BRINP3: variants seen among roughly 807,000 people sequenced by gnomAD.
BRINP3 encodes BMP/retinoic acid inducible neural specific 3.
In BRINP3, 19 loss-of-function variants were observed where a neutral mutation model predicts 71.0. The observed-to-expected ratio is 0.27, with a 90% confidence interval of 0.19 to 0.39. BRINP3 has a LOEUF of 0.39. Ranked by LOEUF, BRINP3 falls within the 10% of genes least tolerant of loss-of-function variation. The probability of loss-of-function intolerance (pLI) is 1.00; values close to 1 mark genes in which losing one functional copy is unlikely to be tolerated. For synonymous variants in BRINP3, 380 were observed against 337.7 expected, an observed-to-expected ratio of 1.13 and a Z score of -1.37; for missense variants, 959 against 940.8, an observed-to-expected ratio of 1.02 and a Z score of -0.25.
chr1:190,296,881 G>T (rs1664292248), intron 2 of BRINP3, among the ~76,000 whole-genome samples: 1 of 151,832 alleles, frequency 6.6e-6, no homozygotes, highest in African/African-American at 2.4e-5. Context: ...GAAATCATAA[G>T]GCACTGATGA....
At chr1:190,297,725 C>T (rs1664354755) in intron 2 of BRINP3, among the ~76,000 whole-genome samples, 1 of 151,736 alleles carries the variant, frequency 6.6e-6, no homozygotes, top group African/African-American at 2.4e-5. Context: ...CTAGAATAAA[C>T]TCCACCTGGT....
At chr1:190,234,510 A>G (rs1383310490) in intron 4 of BRINP3, 33 bp from the exon 5 acceptor site, 1 of 1,510,884 alleles carries the variant, frequency 6.6e-7, no homozygotes. Context: ...TATTATCTAA[A>G]TCAGACTTTA....
intron 2 of BRINP3, among the ~76,000 whole-genome samples, chr1:190,408,713 A>G (rs1672465494): frequency 6.6e-6 from 1 of 152,336 alleles, no homozygotes; most frequent in Non-Finnish European, 1.5e-5. Flanking sequence ...TCAACTGAGA[A>G]CAATTTTGCC....
chr1:190,453,203 A>AT (rs1190785225), intron 2 of BRINP3, among the ~76,000 whole-genome samples: 616 of 40,830 alleles, frequency 0.015, 177 homozygotes, highest in African/African-American at 0.048. Flanking sequence ...AAACTTTAGT[A>AT]TTTTTTTTTT....
At chr1:190,300,567 C>A (rs921818777) in intron 2 of BRINP3, among the ~76,000 whole-genome samples, 1 of 152,142 alleles carries the variant, frequency 6.6e-6, no homozygotes, top group Non-Finnish European at 1.5e-5. Flanking sequence ...TCCCAGCACG[C>A]AGCTGGAGAT....
intron 2 of BRINP3, among the ~76,000 whole-genome samples, chr1:190,412,520 T>C (rs1270530916): frequency 6.9e-6 from 1 of 144,732 alleles, no homozygotes; most frequent in African/African-American, 2.5e-5. Flanking sequence ...TGGAGTGCAG[T>C]GGTGGGATCT....
chr1:190,407,302 G>A (rs1246399220), intron 2 of BRINP3, among the ~76,000 whole-genome samples: 2 of 152,072 alleles, frequency 1.3e-5, no homozygotes, highest in Non-Finnish European at 2.9e-5. Context: ...TATGCATCCT[G>A]GATTATTTCT....
chr1:190,400,123 A>G, intron 2 of BRINP3, among the ~76,000 whole-genome samples: 1 of 152,106 alleles, frequency 6.6e-6, no homozygotes, highest in East Asian at 1.9e-4. Context: ...TGAAGATGTG[A>G]CTGAAAACAC....
chr1:190,173,399 G>A (rs2102505257), intron 6 of BRINP3, among the ~76,000 whole-genome samples: 1 of 152,280 alleles, frequency 6.6e-6, no homozygotes, highest in African/African-American at 2.4e-5. Flanking sequence ...GTCCTTTGGA[G>A]TAAAATGCAG....
At chr1:190,336,877 T>TCCTTCCTTCCTTCCTC (rs1667324125) in intron 2 of BRINP3, among the ~76,000 whole-genome samples, 1 of 140,658 alleles carries the variant, frequency 7.1e-6, no homozygotes, top group African/African-American at 2.6e-5. Context: ...CTTCCCTCCT[T>TCCTTCCTTCCTTCCTC]CCTTCCTTCC....
chr1:190,199,771 G>GAAAAAAAAAA (rs35752025), intron 6 of BRINP3, among the ~76,000 whole-genome samples: 1 of 123,512 alleles, frequency 8.1e-6, no homozygotes. Context: ...CAAGGCATAG[G>GAAAAAAAAAA]AAAAAAAAAA....
At chr1:190,249,181 A>G (rs533586131) in intron 4 of BRINP3, among the ~76,000 whole-genome samples, 65 of 151,936 alleles carry the variant, frequency 4.3e-4, no homozygotes, top group African/African-American at 1.5e-3. Context: ...GCTTAAATAG[A>G]ACAGCAGTAG....
At chr1:190,289,611 G>C (rs1663702285) in intron 2 of BRINP3, among the ~76,000 whole-genome samples, 2 of 151,918 alleles carry the variant, frequency 1.3e-5, no homozygotes, top group Admixed American at 6.6e-5. Context: ...AATATTAACA[G>C]GTAATTTCAT....
intron 7 of BRINP3, among the ~76,000 whole-genome samples, chr1:190,108,539 G>A (rs547566592): frequency 6.6e-6 from 1 of 150,516 alleles, no homozygotes; most frequent in African/African-American, 2.4e-5. Context: ...AATTTAATAT[G>A]ACATTATGTT....
chr1:190,148,596 AAAATAAATAAATAAATAAATAAATAAAT>A (rs71123073), intron 7 of BRINP3, among the ~76,000 whole-genome samples: 3 of 134,938 alleles, frequency 2.2e-5, no homozygotes, highest in East Asian at 4.4e-4. Flanking sequence ...ACTCTGTCAC[AAAATAAATAAATAAATAAATAAATAAAT>A]AAATAAATAA....
intron 6 of BRINP3, among the ~76,000 whole-genome samples, chr1:190,163,693 A>C (rs1651222292): frequency 6.6e-6 from 1 of 152,128 alleles, no homozygotes; most frequent in Admixed American, 6.6e-5. Context: ...AATAAATTAT[A>C]GATGAATAAT....
chr1:190,340,056 C>T (rs1444472249), intron 2 of BRINP3, among the ~76,000 whole-genome samples: 2 of 151,852 alleles, frequency 1.3e-5, no homozygotes, highest in Non-Finnish European at 2.9e-5. Flanking sequence ...GAAAAAATAG[C>T]TATTTCTATA....
At chr1:190,247,153 C>CA (rs982959207) in intron 4 of BRINP3, among the ~76,000 whole-genome samples, 64 of 148,680 alleles carry the variant, frequency 4.3e-4, no homozygotes, top group Middle Eastern at 3.5e-3. Flanking sequence ...ATTCGGTTAC[C>CA]AAAAAAAAAC....
chr1:190,201,897 G>C (rs113531085), intron 6 of BRINP3, among the ~76,000 whole-genome samples: 80 of 152,254 alleles, frequency 5.3e-4, no homozygotes, highest in African/African-American at 1.8e-3. Flanking sequence ...GCAGGGGTGA[G>C]GCCCTCATGG....
Sources: gnomAD v4.1 joint callset for allele counts (sites outside exome capture counted in the v4.1 genomes callset) on GRCh38, gnomAD v4.1.1 for gene constraint, MANE v1.5 for transcripts, NCBI Gene and HGNC (gene_info 2026-07-23, HGNC 2026-07-21) for gene names.